INSL6: variants seen among roughly 807,000 people sequenced by gnomAD.
INSL6 encodes the protein insulin-like peptide INSL6.
Under a neutral mutation model 9.4 loss-of-function variants are expected in INSL6, and 16 were observed. The ratio of observed to expected loss-of-function variants is 1.70; its 90% CI spans 1.15 to 2.59. The LOEUF is 2.59. Among genes scored for constraint, INSL6 ranks in the 30% most tolerant of loss-of-function variants. The pLI, the probability that INSL6 is intolerant of heterozygous loss-of-function variation, is 0.00. For synonymous variants in INSL6, 154 were observed against 96.9 expected, an observed-to-expected ratio of 1.59 and a Z score of -3.46; for missense variants, 391 against 257.3, an observed-to-expected ratio of 1.52 and a Z score of -3.56.
chr9:5,034,768 G>T, the INSL6 span, among the ~76,000 whole-genome samples: 4 of 151,754 alleles, frequency 2.6e-5, no homozygotes, highest in South Asian at 4.2e-4. Context: ...TAGCACTAAA[G>T]GCCCACAAGA....
At chr9:5,027,607 A>G in the INSL6 span, among the ~76,000 whole-genome samples, 11 of 152,314 alleles carry the variant, frequency 7.2e-5, no homozygotes, top group East Asian at 1.9e-3. Flanking sequence ...GTAGTATGCA[A>G]TGCTATTTGA....
At chr9:5,089,007 T>G in the INSL6 span, among the ~76,000 whole-genome samples, 1 of 152,154 alleles carries the variant, frequency 6.6e-6, no homozygotes, top group Non-Finnish European at 1.5e-5. Flanking sequence ...TAGCAAAAGG[T>G]ATTTTGTAAA....
chr9:5,031,491 G>C, the INSL6 span, among the ~76,000 whole-genome samples: 1 of 152,094 alleles, frequency 6.6e-6, no homozygotes, highest in Non-Finnish European at 1.5e-5. Flanking sequence ...GTCAACAAAT[G>C]GTGGTAGAAT....
intron 1 of INSL6, among the ~76,000 whole-genome samples, chr9:5,166,503 TAAGTA>T (rs1825055214): frequency 6.6e-6 from 1 of 151,944 alleles, no homozygotes; most frequent in Admixed American, 6.6e-5. Flanking sequence ...AAAAAAGAAA[TAAGTA>T]AATACAGCCA....
chr9:5,152,451 A>AC (rs1243405850), intron 2 of INSL6, among the ~76,000 whole-genome samples: 1 of 152,158 alleles, frequency 6.6e-6, no homozygotes, highest in Non-Finnish European at 1.5e-5. Context: ...AACCTATATA[A>AC]CCCATGGGTC....
the INSL6 span, among the ~76,000 whole-genome samples, chr9:4,998,875 G>T: frequency 6.6e-6 from 1 of 152,086 alleles, no homozygotes; most frequent in East Asian, 1.9e-4. Context: ...CTGTCACCCA[G>T]GCTGTAGTGC....
the INSL6 span, among the ~76,000 whole-genome samples, chr9:5,060,361 A>G: frequency 6.6e-6 from 1 of 152,164 alleles, no homozygotes; most frequent in African/African-American, 2.4e-5. Context: ...AGCATGTGAC[A>G]TTGTTTGGTA....
chr9:5,032,682 G>T, the INSL6 span, among the ~76,000 whole-genome samples: 1 of 152,280 alleles, frequency 6.6e-6, no homozygotes, highest in South Asian at 2.1e-4. Context: ...TGCAGCAGAG[G>T]GTCCTGACTG....
At chr9:5,184,815 T>C (rs1825532373) in intron 1 of INSL6, among the ~76,000 whole-genome samples, 1 of 152,208 alleles carries the variant, frequency 6.6e-6, no homozygotes, top group Admixed American at 6.5e-5. Flanking sequence ...AGTTTTATAT[T>C]TTACTACCTT....
At chr9:5,147,986 C>T (rs1253659714) in intron 2 of INSL6, among the ~76,000 whole-genome samples, 2 of 152,188 alleles carry the variant, frequency 1.3e-5, no homozygotes, top group Non-Finnish European at 2.9e-5. Context: ...TCAATTTTCT[C>T]AATCTTGATG....
At chr9:5,139,820 A>G (rs1329846791) in intron 2 of INSL6, among the ~76,000 whole-genome samples, 2 of 152,214 alleles carry the variant, frequency 1.3e-5, no homozygotes, top group Non-Finnish European at 2.9e-5. Context: ...TTATTTTTAA[A>G]GAAATGAGCC....
At chr9:5,133,914 G>A (rs141945443) in intron 2 of INSL6, among the ~76,000 whole-genome samples, 2,003 of 150,606 alleles carry the variant, frequency 0.013, 10 homozygotes, top group Non-Finnish European at 0.021. Flanking sequence ...AAAGGAACAT[G>A]TTCTAACCCA....
chr9:5,059,025 A>C, the INSL6 span, among the ~76,000 whole-genome samples: 1 of 152,138 alleles, frequency 6.6e-6, no homozygotes. Context: ...CAGATGTTTT[A>C]AAGTTTTAGC....
At chr9:5,172,232 A>G (rs1440893426) in intron 1 of INSL6, among the ~76,000 whole-genome samples, 4 of 152,166 alleles carry the variant, frequency 2.6e-5, no homozygotes, top group Non-Finnish European at 5.9e-5. Context: ...AAAAATAGCA[A>G]TGGGCAAAGG....
the INSL6 span, among the ~76,000 whole-genome samples, chr9:5,049,984 G>C: frequency 2.7e-3 from 405 of 152,296 alleles, 3 homozygotes; most frequent in African/African-American, 9.4e-3. Flanking sequence ...CGTTATATAT[G>C]TGGTCTGCCA....
At chr9:5,048,483 G>T in the INSL6 span, among the ~76,000 whole-genome samples, 28 of 152,192 alleles carry the variant, frequency 1.8e-4, no homozygotes, top group Admixed American at 1.6e-3. Flanking sequence ...CTATTAAAAA[G>T]AATCTACCAA....
chr9:5,000,478 C>T, the INSL6 span, among the ~76,000 whole-genome samples: 2 of 151,994 alleles, frequency 1.3e-5, no homozygotes, highest in East Asian at 1.9e-4. Context: ...TAAAGAGAAG[C>T]GTAACATAAA....
chr9:5,142,610 T>C (rs1400546282), intron 2 of INSL6, among the ~76,000 whole-genome samples: 1 of 152,176 alleles, frequency 6.6e-6, no homozygotes, highest in African/African-American at 2.4e-5. Context: ...GGGCTGAGAC[T>C]ATGGGGTTTT....
chr9:5,072,298 G>T, the INSL6 span, among the ~76,000 whole-genome samples: 1 of 152,188 alleles, frequency 6.6e-6, no homozygotes, highest in Non-Finnish European at 1.5e-5. Flanking sequence ...ATTAATCCTT[G>T]TTTTCTGTCT....
Sources: gnomAD v4.1 joint callset for allele counts (sites outside exome capture counted in the v4.1 genomes callset) on GRCh38, gnomAD v4.1.1 for gene constraint, MANE v1.5 for transcripts, NCBI Gene and HGNC (gene_info 2026-07-23, HGNC 2026-07-21) for gene names.